MAML3: variants seen among roughly 807,000 people sequenced by gnomAD.
MAML3 encodes mastermind-like protein 3.
A neutral mutation model predicts 101.9 loss-of-function variants in MAML3; 27 were observed. The ratio of observed to expected loss-of-function variants is 0.27; its 90% CI spans 0.20 to 0.37. MAML3 has a LOEUF of 0.37. Among genes scored for constraint, MAML3 ranks in the 10% least tolerant of loss-of-function variants. The pLI is 1.00. For missense variants in MAML3, 1,316 were observed against 1,444.9 expected (o/e 0.91, Z 1.45); for synonymous variants, 501 against 555.9 (o/e 0.90, Z 1.39).
At chr4:140,050,519 A>G (rs776618530) in intron 1 of MAML3, among the ~76,000 whole-genome samples, 26 of 152,094 alleles carry the variant, frequency 1.7e-4, no homozygotes, top group Non-Finnish European at 3.2e-4. Flanking sequence ...CTCGGGGTAC[A>G]GCTGTACATC....
At chr4:139,905,158 T>C (rs886640164) in intron 1 of MAML3, among the ~76,000 whole-genome samples, 6 of 152,152 alleles carry the variant, frequency 3.9e-5, no homozygotes, top group Admixed American at 6.5e-5. Context: ...GGAGGAAAAA[T>C]GGTCACTTCT....
In MAML3 at chr4:140,122,608, C is replaced by T. The variant is rs899288923; in HGVS notation, c.468+30252G>A. Among the ~76,000 whole-genome samples the T allele has an allele frequency of 4.4e-4, 67 of 151,380 alleles. No homozygotes were observed. The East Asian group carries it at 0.012, about 27-fold the overall frequency. ...GAGATCGAGACCATCCCGGCTAAAACGGTGAAACCCCGTCTCTACTAAAAA... is the reference window on the plus strand; with the variant it reads ...GAGATCGAGACCATCCCGGCTAAAATGGTGAAACCCCGTCTCTACTAAAAA... On this transcript the variant is annotated intron_variant, in intron 1 of 4. Coordinates refer to ENST00000509479, the MANE Select transcript of MAML3 (RefSeq NM_018717.5).
chr4:140,017,383 T>C (rs575725483), intron 1 of MAML3, among the ~76,000 whole-genome samples: 42 of 152,064 alleles, frequency 2.8e-4, no homozygotes, highest in East Asian at 1.4e-3. Flanking sequence ...CTGTTGAAAA[T>C]AGGCAGTTTC....
intron 1 of MAML3, among the ~76,000 whole-genome samples, chr4:139,948,411 C>T (rs1350762634): frequency 6.6e-6 from 1 of 152,166 alleles, no homozygotes. Flanking sequence ...ATGGCCATTG[C>T]CACATCTGCT....
intron 1 of MAML3, among the ~76,000 whole-genome samples, chr4:139,966,833 G>A (rs1216315939): frequency 6.6e-6 from 1 of 152,150 alleles, no homozygotes; most frequent in Non-Finnish European, 1.5e-5. Flanking sequence ...TCACAACACT[G>A]GACCTTCTTG....
At chr4:140,124,186 T>C (rs977710609) in intron 1 of MAML3, among the ~76,000 whole-genome samples, 15 of 152,194 alleles carry the variant, frequency 9.9e-5, no homozygotes, top group African/African-American at 3.4e-4. Context: ...CCTCTCCAGT[T>C]TCCTTGAGGC....
intron 1 of MAML3, among the ~76,000 whole-genome samples, chr4:140,069,671 AAAGAAAGAAAAAGAAAGAAAG>A (rs1727611253): frequency 6.8e-6 from 1 of 146,790 alleles, no homozygotes; most frequent in Non-Finnish European, 1.5e-5. Context: ...AAGGAGAAAG[AAAGAAAGAAAAAGAAAGAAAG>A]AAGAAGAAGA....
Position 140,011,636 on chromosome 4 carries a change from G to A in MAML3, c.469-120669C>T, listed in dbSNP as rs1560866112. ...TGGGATTACAGGCGTGAGCCACCGC[G>A]CCCGGCCGTTTTCTTGTTTTTATGG... On this transcript the variant is annotated intron_variant, in intron 1 of 4. Transcript: ENST00000509479. 2.6e-5 allele frequency among the ~76,000 whole-genome samples: 4 copies of A among 152,182 alleles called. No individual in the cohort carries two copies. The East Asian group carries it at 5.8e-4, about 22-fold the overall frequency.
chr4:140,063,029 A>G (rs1040051867), intron 1 of MAML3, among the ~76,000 whole-genome samples: 1 of 152,198 alleles, frequency 6.6e-6, no homozygotes, highest in Admixed American at 6.5e-5. Context: ...TAAACATTTT[A>G]TATACATTAT....
chr4:140,146,619 A>G (rs1729069613), intron 1 of MAML3, among the ~76,000 whole-genome samples: 1 of 152,236 alleles, frequency 6.6e-6, no homozygotes, highest in African/African-American at 2.4e-5. Flanking sequence ...ATCTGTCTGG[A>G]AAGCAGGCTG....
intron 1 of MAML3, among the ~76,000 whole-genome samples, chr4:140,011,170 T>C (rs796483717): frequency 0.078 from 3,367 of 43,280 alleles, 162 homozygotes; most frequent in African/African-American, 0.21. Flanking sequence ...ATATATGACA[T>C]ATATGTCATA....
chr4:139,961,821 C>A (rs907624156), intron 1 of MAML3, among the ~76,000 whole-genome samples: 1 of 152,068 alleles, frequency 6.6e-6, no homozygotes, highest in African/African-American at 2.4e-5. Flanking sequence ...ATCATGAGAA[C>A]TAAGACACAA....
At position 139,889,389 on chromosome 4, in the gene MAML3, T is replaced by C. The variant is rs559428789; in HGVS notation, c.2047A>G (p.Met683Val). 7 of 1,614,058 alleles carry C rather than the reference T, an allele frequency of 4.3e-6. No homozygotes were observed. Among genetic ancestry groups the C allele is most frequent in the East Asian group, 2.2e-5 (1 of 44,894 alleles). ...TGGGATGGAAGTGCAGCGTAAGCCA[T>C]GGGCTGATTCATCACTCCTTTCTGC... ...MKQKGVMNQPMAYAALPSHGQ... is the reference protein window; with the variant it reads ...MKQKGVMNQPVAYAALPSHGQ... The change falls in exon 2 of 5, where the codon ATG (methionine) becomes GTG (valine). Residue 683 changes from methionine to valine, a missense_variant. Physicochemically the swap from Met to Val is conservative, Grantham distance 21 (BLOSUM62 1). Transcript: ENST00000509479.
chr4:139,847,595 C>G (rs1053072866), intron 2 of MAML3, among the ~76,000 whole-genome samples: 1 of 152,188 alleles, frequency 6.6e-6, no homozygotes, highest in Non-Finnish European at 1.5e-5. Flanking sequence ...ATTGCTAGCA[C>G]TAGGAAGCTG....
At chr4:140,015,805 T>C (rs1329227270) in intron 1 of MAML3, among the ~76,000 whole-genome samples, 1 of 152,078 alleles carries the variant, frequency 6.6e-6, no homozygotes, top group African/African-American at 2.4e-5. Context: ...ATACAAAAAT[T>C]AGCCACATGT....
chr4:140,035,797 A>C (rs1328053522), intron 1 of MAML3, among the ~76,000 whole-genome samples: 3 of 145,804 alleles, frequency 2.1e-5, no homozygotes, highest in South Asian at 4.3e-4. Flanking sequence ...AAAAAAAAAA[A>C]CCCAAAAACA....
chr4:139,954,196 G>A (rs1044139346), intron 1 of MAML3, among the ~76,000 whole-genome samples: 11 of 152,128 alleles, frequency 7.2e-5, no homozygotes, highest in African/African-American at 2.7e-4. Flanking sequence ...TGAGATTTAC[G>A]ACCTAGGAAA....
At position 140,115,210 on chromosome 4, in the gene MAML3, T is replaced by A. The variant is rs550434499; in HGVS notation, c.468+37650A>T. 3.9e-5 allele frequency among the ~76,000 whole-genome samples: 6 copies of A among 152,368 alleles called. No homozygotes were observed. The East Asian group carries it at 9.6e-4, about 24-fold the overall frequency. On this transcript the variant is annotated intron_variant, in intron 1 of 4. Transcript: ENST00000509479. ...ATTTTATCCCATAAAAACTTCCATA[T>A]GAGTTAGCACTATTTTTGAGTTATT...
At chr4:139,827,224 A>C (rs1299644439) in intron 2 of MAML3, among the ~76,000 whole-genome samples, 2 of 152,246 alleles carry the variant, frequency 1.3e-5, no homozygotes, top group Admixed American at 1.3e-4. Flanking sequence ...AAAGAGTGAC[A>C]GAAAAAACGG....
Sources: gnomAD v4.1 joint callset for allele counts (sites outside exome capture counted in the v4.1 genomes callset) on GRCh38, gnomAD v4.1.1 for gene constraint, MANE v1.5 for transcripts, NCBI Gene and HGNC (gene_info 2026-07-23, HGNC 2026-07-21) for gene names.